Variants in CSMD1 observed in about 807,000 individuals in gnomAD.
The protein encoded by CSMD1 is CUB and sushi domain-containing protein 1.
CSMD1 carries 213 observed loss-of-function variants against 417.5 expected under a neutral mutation model. That is an observed-to-expected ratio of 0.51 (90% CI 0.46 to 0.57). The LOEUF is 0.57. CSMD1 is among the 20% of genes least tolerant of loss of function. The pLI, the probability that CSMD1 is intolerant of heterozygous loss-of-function variation, is 0.00. For synonymous variants in CSMD1, 2,862 were observed against 1,736.8 expected, an observed-to-expected ratio of 1.65 and a Z score of -16.11; for missense variants, 6,923 against 4,529.7, an observed-to-expected ratio of 1.53 and a Z score of -15.17.
intron 2 of CSMD1, among the ~76,000 whole-genome samples, chr8:4,561,611 G>A (rs1430078896): frequency 6.6e-6 from 1 of 152,148 alleles, no homozygotes; most frequent in Non-Finnish European, 1.5e-5. Context: ...GAGCCCAGGA[G>A]ATTGAGGCCG....
intron 3 of CSMD1, among the ~76,000 whole-genome samples, chr8:4,309,104 T>C (rs1040600507): frequency 4.6e-5 from 7 of 152,202 alleles, no homozygotes; most frequent in Non-Finnish European, 5.9e-5. Flanking sequence ...ACTTGTTCTA[T>C]CTAGTTTAAT....
chr8:4,977,080 T>C (rs190722132), intron 1 of CSMD1, among the ~76,000 whole-genome samples: 38 of 152,334 alleles, frequency 2.5e-4, no homozygotes, highest in African/African-American at 5.8e-4. Context: ...AACAGTTATA[T>C]TGGCGTTTCT....
chr8:4,482,783 C>A (rs1356035327), intron 2 of CSMD1, among the ~76,000 whole-genome samples: 2 of 152,150 alleles, frequency 1.3e-5, no homozygotes, highest in African/African-American at 4.8e-5. Flanking sequence ...TTTAAAATAG[C>A]CATTCTGACT....
At chr8:4,632,257 T>C (rs370476372) in intron 2 of CSMD1, among the ~76,000 whole-genome samples, 115 of 152,086 alleles carry the variant, frequency 7.6e-4, no homozygotes, top group Middle Eastern at 3.4e-3. Flanking sequence ...AGTCAACATA[T>C]CTTCCAGCAC....
At chr8:4,309,947 T>C (rs752799151) in intron 3 of CSMD1, among the ~76,000 whole-genome samples, 57 of 152,314 alleles carry the variant, frequency 3.7e-4, no homozygotes, top group Non-Finnish European at 6.9e-4. Context: ...TAGTCGATTA[T>C]AGTTACCCCT....
chr8:3,267,737 G>A (rs1001023584), intron 26 of CSMD1, among the ~76,000 whole-genome samples: 3 of 152,192 alleles, frequency 2.0e-5, no homozygotes, highest in Admixed American at 1.3e-4. Flanking sequence ...CCCGGTGGGT[G>A]GGGCACACTA....
intron 8 of CSMD1, among the ~76,000 whole-genome samples, chr8:3,588,980 G>C (rs761351021): frequency 2.6e-5 from 4 of 152,076 alleles, no homozygotes; most frequent in Admixed American, 1.3e-4. Context: ...ATGGAAAGGT[G>C]CTCCGTGTCA....
intron 2 of CSMD1, among the ~76,000 whole-genome samples, chr8:4,491,081 A>G (rs959744832): frequency 6.6e-6 from 1 of 152,140 alleles, no homozygotes; most frequent in Non-Finnish European, 1.5e-5. Flanking sequence ...CTAATAAGAC[A>G]TGAGCTATTA....
intron 5 of CSMD1, among the ~76,000 whole-genome samples, chr8:3,857,430 A>G (rs200404184): frequency 6.6e-6 from 1 of 152,190 alleles, no homozygotes; most frequent in East Asian, 1.9e-4. Flanking sequence ...TGTGATGGTA[A>G]ATCCAAGCCA....
At chr8:3,407,856 T>C (rs1253149998) in intron 14 of CSMD1, 43 bp downstream of exon 14, 1 of 1,510,364 alleles carries the variant, frequency 6.6e-7, no homozygotes, top group Non-Finnish European at 8.9e-7. Flanking sequence ...AACATGTAAG[T>C]AAAATGAGAA....
chr8:4,736,047 G>C (rs1028538285), intron 1 of CSMD1, among the ~76,000 whole-genome samples: 3 of 152,128 alleles, frequency 2.0e-5, no homozygotes, highest in Non-Finnish European at 2.9e-5. Flanking sequence ...ATGGACATTT[G>C]TATTGCCCTG....
chr8:3,670,966 G>A (rs1348135422), intron 7 of CSMD1, among the ~76,000 whole-genome samples: 5 of 119,442 alleles, frequency 4.2e-5, no homozygotes, highest in South Asian at 5.4e-4. Flanking sequence ...TGGGATATAT[G>A]TATATGGGAT....
chr8:4,609,989 A>C (rs1180710836), intron 2 of CSMD1, among the ~76,000 whole-genome samples: 2 of 152,128 alleles, frequency 1.3e-5, no homozygotes, highest in Non-Finnish European at 2.9e-5. Context: ...TAGCTTACTA[A>C]ACCTATGGGA....
At chr8:3,240,167 C>A (rs191558823) in intron 26 of CSMD1, among the ~76,000 whole-genome samples, 3 of 151,990 alleles carry the variant, frequency 2.0e-5, no homozygotes, top group Non-Finnish European at 4.4e-5. Flanking sequence ...GGTGCGGTCC[C>A]GGTTCTTGTG....
At chr8:4,839,427 T>C (rs1194714044) in intron 1 of CSMD1, among the ~76,000 whole-genome samples, 1 of 152,208 alleles carries the variant, frequency 6.6e-6, no homozygotes, top group Non-Finnish European at 1.5e-5. Context: ...ACTTTGTATT[T>C]CTAGTTCTGA....
chr8:3,919,504 T>C (rs1320348930), intron 5 of CSMD1, among the ~76,000 whole-genome samples: 4 of 152,184 alleles, frequency 2.6e-5, no homozygotes, highest in South Asian at 2.1e-4. Context: ...TGTCTGTTTT[T>C]ATTACAGTAT....
chr8:3,316,092 C>T (rs903455533), intron 23 of CSMD1, among the ~76,000 whole-genome samples: 6 of 152,238 alleles, frequency 3.9e-5, no homozygotes, highest in African/African-American at 1.2e-4. Context: ...GAACTTGGGG[C>T]AAGACCAGGA....
intron 7 of CSMD1, among the ~76,000 whole-genome samples, chr8:3,694,607 G>T (rs973488656): frequency 6.6e-6 from 1 of 151,990 alleles, no homozygotes; most frequent in Non-Finnish European, 1.5e-5. Context: ...AGGAGAAAAG[G>T]AAGGACCCAG....
At chr8:4,787,816 A>T in intron 1 of CSMD1, 2 of 1,574,496 alleles carry the variant, frequency 1.3e-6, no homozygotes, top group Non-Finnish European at 1.7e-6. Flanking sequence ...GAGTCATGCT[A>T]CACAGGCTAT....
Sources: gnomAD v4.1 joint callset for allele counts (sites outside exome capture counted in the v4.1 genomes callset) on GRCh38, gnomAD v4.1.1 for gene constraint, MANE v1.5 for transcripts, NCBI Gene and HGNC (gene_info 2026-07-23, HGNC 2026-07-21) for gene names.